RERG: variants seen among roughly 807,000 people sequenced by gnomAD.
The protein encoded by RERG is RAS like estrogen regulated growth inhibitor, also known as ras-related and estrogen-regulated growth inhibitor.
Under a neutral mutation model 23.2 loss-of-function variants are expected in RERG, and 25 were observed. That is an observed-to-expected ratio of 1.08 (90% CI 0.79 to 1.50). The LOEUF is 1.50. Among genes scored for constraint, RERG ranks in the 40% most tolerant of loss-of-function variants. The probability of loss-of-function intolerance (pLI) is 0.00; values close to 1 mark genes in which losing one functional copy is unlikely to be tolerated. For missense variants in RERG, 253 were observed against 250.1 expected (o/e 1.01, Z -0.08); for synonymous variants, 81 against 89.1 (o/e 0.91, Z 0.51).
At chr12:15,167,286 T>C (rs1013299684) in intron 2 of RERG, among the ~76,000 whole-genome samples, 10 of 152,132 alleles carry the variant, frequency 6.6e-5, no homozygotes, top group African/African-American at 2.4e-4. Context: ...TCCCTCTTTG[T>C]TCTGTAGTGA....
chr12:15,209,759 A>C (rs1865342015), intron 2 of RERG, among the ~76,000 whole-genome samples: 1 of 152,186 alleles, frequency 6.6e-6, no homozygotes, highest in Non-Finnish European at 1.5e-5. Context: ...TTCTAATATA[A>C]AATATCTGAG....
rs901871181 is a variant in RERG at position 15,166,840 on chromosome 12, A to G, written c.62-45721T>C. Among the ~76,000 whole-genome samples, 4 of 149,648 alleles carry G rather than the reference A, an allele frequency of 2.7e-5. No homozygotes were observed. The East Asian group carries it at 7.8e-4, about 29-fold the overall frequency. The stretch of plus-strand genomic sequence containing the variant: ...AATCATCTTGTATCATGTCTGACAC[A>G]TTATTGTTTTTTGTTTTTTTTTTAT... On this transcript the variant is annotated intron_variant, in intron 2 of 4. Transcript: ENST00000256953.
intron 2 of RERG, among the ~76,000 whole-genome samples, chr12:15,201,952 G>A (rs1865223591): frequency 6.6e-6 from 1 of 151,498 alleles, no homozygotes; most frequent in African/African-American, 2.4e-5. Context: ...AGGGAAAGAG[G>A]GCTAATGAGT....
At chr12:15,176,730 A>C (rs769787995) in intron 2 of RERG, among the ~76,000 whole-genome samples, 7 of 152,188 alleles carry the variant, frequency 4.6e-5, no homozygotes, top group Non-Finnish European at 1.0e-4. Context: ...AAAATACCAA[A>C]GCACACAAAT....
chr12:15,151,424 A>C (rs1864440393), intron 2 of RERG, among the ~76,000 whole-genome samples: 1 of 152,182 alleles, frequency 6.6e-6, no homozygotes, highest in Admixed American at 6.5e-5. Flanking sequence ...CCATATTAGC[A>C]ATTTAATGAC....
chr12:15,137,028 G>A (rs757279135), intron 2 of RERG, among the ~76,000 whole-genome samples: 11 of 151,814 alleles, frequency 7.2e-5, no homozygotes, highest in Middle Eastern at 3.4e-3. Flanking sequence ...TGGCGGATTC[G>A]TCTATTTCTC....
chr12:15,156,187 C>T (rs141949725), intron 2 of RERG, among the ~76,000 whole-genome samples: 444 of 152,108 alleles, frequency 2.9e-3, no homozygotes, highest in Non-Finnish European at 5.3e-3. Context: ...ACAACTGATA[C>T]GAATGGAAAT....
chr12:15,220,805 T>C (rs1051908234), intron 1 of RERG, among the ~76,000 whole-genome samples: 9 of 152,212 alleles, frequency 5.9e-5, no homozygotes, highest in African/African-American at 1.9e-4. Flanking sequence ...GTCTCATTAC[T>C]AGGAATTCTT....
At chr12:15,150,089 A>G (rs893300630) in intron 2 of RERG, among the ~76,000 whole-genome samples, 9 of 152,184 alleles carry the variant, frequency 5.9e-5, no homozygotes, top group African/African-American at 2.2e-4. Flanking sequence ...GAGTAGGTAC[A>G]AGGCCAAGAC....
intron 2 of RERG, among the ~76,000 whole-genome samples, chr12:15,170,223 G>A (rs1210197986): frequency 6.6e-6 from 1 of 151,956 alleles, no homozygotes; most frequent in Admixed American, 6.6e-5. Flanking sequence ...TTAGAAGAGC[G>A]AACCCAAATG....
chr12:15,198,527 C>A (rs1865175237), intron 2 of RERG, among the ~76,000 whole-genome samples: 1 of 152,096 alleles, frequency 6.6e-6, no homozygotes, highest in Admixed American at 6.6e-5. Flanking sequence ...TGTTTAATTT[C>A]AGTATACATA....
chr12:15,179,201 A>T (rs973920562), intron 2 of RERG, among the ~76,000 whole-genome samples: 7 of 152,176 alleles, frequency 4.6e-5, no homozygotes, highest in Admixed American at 4.6e-4. Flanking sequence ...CTATCTGAGG[A>T]TGAAACTAAA....
In RERG at chr12:15,148,887, T is replaced by TTTTTTG. The variant is rs1156302513; in HGVS notation, c.62-27769_62-27768insCAAAAA. ...TTTTTTTTTTTTTTTTTTTTTTTTT[T>TTTTTTG]AGACAGAGTCTAGCTCTGTCACCCA... is the stretch of plus-strand genomic sequence containing the variant. On this transcript the variant is annotated intron_variant, in intron 2 of 4. Coordinates refer to ENST00000256953, the MANE Select transcript of RERG (RefSeq NM_032918.3). Among the ~76,000 whole-genome samples, 204 of 69,500 alleles carry TTTTTTG rather than the reference T, an allele frequency of 2.9e-3. 65 individuals are homozygous for TTTTTTG. Among genetic ancestry groups the TTTTTTG allele is most frequent in the Non-Finnish European group, 5.0e-3 (162 of 32,658 alleles). The allele number at this position is 69,500 out of a possible 152,430, so 45.6% of individuals were successfully genotyped here.
At chr12:15,112,554 C>A (rs913190174) in intron 3 of RERG, 8 of 152,008 alleles carry the variant, frequency 5.3e-5, no homozygotes, top group Non-Finnish European at 1.0e-4. Flanking sequence ...ATGGAAACCA[C>A]GGGTCAAAAA....
chr12:15,197,918 G>T lies in RERG; in HGVS notation c.61+19511C>A, dbSNP rs191208657. Among the ~76,000 whole-genome samples, 375 of 152,220 alleles carry T rather than the reference G, an allele frequency of 2.5e-3. 2 individuals carry two copies. Among genetic ancestry groups the T allele is most frequent in the African/African-American group, 8.4e-3 (350 of 41,552 alleles). ...CTGTCTTGGTTGCTGAGTCCCTTTTGCCCAAGGAGACTGGCTCTTTCCTCC... is the reference window on the plus strand; with the variant it reads ...CTGTCTTGGTTGCTGAGTCCCTTTTTCCCAAGGAGACTGGCTCTTTCCTCC... On this transcript the variant is annotated intron_variant, in intron 2 of 4. Coordinates refer to ENST00000256953, the MANE Select transcript of RERG (RefSeq NM_032918.3).
intron 2 of RERG, among the ~76,000 whole-genome samples, chr12:15,183,079 C>T (rs187228136): frequency 1.6e-3 from 247 of 150,714 alleles, no homozygotes; most frequent in African/African-American, 5.9e-3. Flanking sequence ...AGACCCTGGC[C>T]GAAAAACAAA....
At chr12:15,206,078 T>C (rs1305604007) in intron 2 of RERG, among the ~76,000 whole-genome samples, 2 of 152,040 alleles carry the variant, frequency 1.3e-5, no homozygotes, top group Non-Finnish European at 2.9e-5. Flanking sequence ...ATATATTTAA[T>C]CCCCAAACAC....
intron 1 of RERG, chr12:15,217,821 G>T (rs116418297): frequency 4.4e-6 from 1 of 226,648 alleles, no homozygotes; most frequent in South Asian, 7.6e-5. Flanking sequence ...GTACTAAAAC[G>T]TGCATTATCA....
chr12:15,117,674 C>CGTGCGT (rs201726895), intron 3 of RERG, among the ~76,000 whole-genome samples: 21 of 105,406 alleles, frequency 2.0e-4, no homozygotes, highest in African/African-American at 6.4e-4. Context: ...ATCACACACG[C>CGTGCGT]GCACACACAC....
Sources: allele counts gnomAD v4.1 joint callset (sites outside exome capture counted in the v4.1 genomes callset), GRCh38; gene constraint gnomAD v4.1.1; transcripts MANE v1.5; gene names NCBI Gene and HGNC (gene_info 2026-07-23, HGNC 2026-07-21).